Variants in CNNM2 observed in about 807,000 individuals in gnomAD.
CNNM2 encodes the protein cyclin and CBS domain divalent metal cation transport mediator 2.
CNNM2 carries 12 observed loss-of-function variants against 66.9 expected under a neutral mutation model. The ratio of observed to expected loss-of-function variants is 0.18; its 90% confidence interval spans 0.11 to 0.29. The LOEUF is 0.29. Among genes scored for constraint, CNNM2 ranks in the 10% least tolerant of loss-of-function variants. The pLI is 1.00. For synonymous variants in CNNM2, 557 were observed against 501.8 expected (o/e 1.11, Z -1.47); for missense variants, 705 against 1,167.7 (o/e 0.60, Z 5.77).
chr10:102,950,981 C>CTTTTTTTTTT (rs34870588), intron 1 of CNNM2, among the ~76,000 whole-genome samples: 94 of 80,456 alleles, frequency 1.2e-3, no homozygotes, highest in Non-Finnish European at 1.3e-3. Flanking sequence ...CTTTCTTTCT[C>CTTTTTTTTTT]TTTTTTTTTT....
At chr10:102,956,063 G>A (rs1347807227) in intron 1 of CNNM2, among the ~76,000 whole-genome samples, 5 of 152,144 alleles carry the variant, frequency 3.3e-5, no homozygotes, top group East Asian at 1.9e-4. Flanking sequence ...TGAGGCGGGC[G>A]GATCACCAGG....
At chr10:102,949,714 T>C (rs1240121781) in intron 1 of CNNM2, among the ~76,000 whole-genome samples, 2 of 152,030 alleles carry the variant, frequency 1.3e-5, no homozygotes, top group Admixed American at 6.6e-5. Context: ...TGCTTGAATC[T>C]GGAGGGCGGA....
chr10:103,033,885 GT>G (rs909230403), intron 1 of CNNM2, among the ~76,000 whole-genome samples: 4 of 152,176 alleles, frequency 2.6e-5, no homozygotes, highest in Admixed American at 6.5e-5. Context: ...GGTTTTAAAA[GT>G]TGTTTGCATC....
chr10:102,996,878 A>G (rs2134249718), intron 1 of CNNM2, among the ~76,000 whole-genome samples: 2 of 152,102 alleles, frequency 1.3e-5, no homozygotes, highest in Admixed American at 1.3e-4. Flanking sequence ...ATTATTTTCA[A>G]GCTCTCCATT....
chr10:103,052,297 A>C (rs1348126238), intron 2 of CNNM2, among the ~76,000 whole-genome samples: 1 of 151,608 alleles, frequency 6.6e-6, no homozygotes, highest in Admixed American at 6.6e-5. Flanking sequence ...AAAACAAAAA[A>C]AAAAAAACCC....
At chr10:103,029,237 G>A (rs1462050662) in intron 1 of CNNM2, among the ~76,000 whole-genome samples, 3 of 151,466 alleles carry the variant, frequency 2.0e-5, no homozygotes, top group Middle Eastern at 3.4e-3. Context: ...GCTGAGGCAG[G>A]TGGATCACCT....
intron 1 of CNNM2, among the ~76,000 whole-genome samples, chr10:102,965,761 C>T (rs1429439154): frequency 6.6e-6 from 1 of 152,174 alleles, no homozygotes; most frequent in Non-Finnish European, 1.5e-5. Flanking sequence ...GTCCTACCAT[C>T]TCTGAAAATA....
intron 1 of CNNM2, among the ~76,000 whole-genome samples, chr10:102,937,774 G>GT (rs1331312143): frequency 6.8e-6 from 1 of 146,368 alleles, no homozygotes; most frequent in Non-Finnish European, 1.5e-5. Flanking sequence ...TTTTCTGGAT[G>GT]TATACAGAAA....
In CNNM2 at chr10:103,079,429, C is replaced by T. The variant is rs989224940; in HGVS notation, c.*2249C>T. ...GTCTGCTTCTCCACACACAGTCTCT[C>T]GGGGATGCCTTGCTACTGGGAGAGC... On this transcript the variant is annotated 3_prime_UTR_variant, in exon 8 of 8. Transcript: ENST00000369878. 3 of 152,230 alleles carry T rather than the reference C, an allele frequency of 2.0e-5. No individual in the cohort carries two copies. The highest frequency in any genetic ancestry group is 7.2e-5 in the African/African-American group (3 of 41,452). 9.4% of individuals were successfully genotyped at this position (152,230 alleles called of 1,614,324 possible). A position where few individuals can be genotyped will look rare whatever the true frequency, so the allele number is the denominator to read the frequency against.
intron 1 of CNNM2, among the ~76,000 whole-genome samples, chr10:103,036,891 G>T (rs1224912944): frequency 6.6e-6 from 1 of 152,134 alleles, no homozygotes; most frequent in African/African-American, 2.4e-5. Flanking sequence ...TGTGGGTATG[G>T]CTATAAAAGG....
At chr10:103,042,573 G>GT (rs1278702898) in intron 1 of CNNM2, among the ~76,000 whole-genome samples, 1 of 152,180 alleles carries the variant, frequency 6.6e-6, no homozygotes, top group African/African-American at 2.4e-5. Context: ...GGTCCTTGTG[G>GT]TATGGGCCTG....
chr10:102,978,590 T>A (rs1035380506), intron 1 of CNNM2, among the ~76,000 whole-genome samples: 2 of 152,200 alleles, frequency 1.3e-5, no homozygotes, highest in African/African-American at 4.8e-5. Flanking sequence ...CTTTGCCTCC[T>A]TATAATTATT....
chr10:102,931,139 A>G (rs1458854170), intron 1 of CNNM2, among the ~76,000 whole-genome samples: 1 of 152,046 alleles, frequency 6.6e-6, no homozygotes, highest in East Asian at 1.9e-4. Context: ...AGTCACAACT[A>G]CCTTCCTTCC....
At chr10:103,060,017 A>G (rs921495378) in intron 4 of CNNM2, among the ~76,000 whole-genome samples, 1 of 152,124 alleles carries the variant, frequency 6.6e-6, no homozygotes, top group African/African-American at 2.4e-5. Flanking sequence ...ACAGGTACCT[A>G]CAGTCCCAGC....
At chr10:103,022,619 C>T (rs566369221) in intron 1 of CNNM2, among the ~76,000 whole-genome samples, 11 of 152,320 alleles carry the variant, frequency 7.2e-5, no homozygotes, top group Admixed American at 6.5e-4. Flanking sequence ...GGCTGTTAAA[C>T]TTTTATCATC....
intron 1 of CNNM2, among the ~76,000 whole-genome samples, chr10:103,029,651 C>T (rs984117129): frequency 1.1e-4 from 16 of 151,840 alleles, no homozygotes; most frequent in Non-Finnish European, 1.5e-5. Flanking sequence ...TCACGAGGTT[C>T]AGGAGATAGA....
intron 1 of CNNM2, among the ~76,000 whole-genome samples, chr10:103,006,333 A>C (rs1047486714): frequency 6.6e-6 from 1 of 151,786 alleles, no homozygotes; most frequent in African/African-American, 2.4e-5. Flanking sequence ...CAGCCTCCCA[A>C]GTAGCTGGGA....
In CNNM2 at chr10:103,089,534, A is replaced by G; in HGVS notation, c.*12354A>G. 7.1e-7 allele frequency: 1 copy of G among 1,400,792 alleles called. No homozygotes were observed. Among genetic ancestry groups the G allele is most frequent in the Non-Finnish European group, 9.4e-7 (1 of 1,067,746 alleles). The allele number at this position is 1,400,792 out of a possible 1,614,324, so 86.8% of individuals were successfully genotyped here. ...CAAAACAAGTATCTATGATAATAAAATCTTCAGAAACTTTTCAGACGTACC... is the reference window on the plus strand; with the variant it reads ...CAAAACAAGTATCTATGATAATAAAGTCTTCAGAAACTTTTCAGACGTACC... On this transcript the variant is annotated 3_prime_UTR_variant, in exon 8 of 8. Transcript: ENST00000369878.
intron 1 of CNNM2, among the ~76,000 whole-genome samples, chr10:102,994,783 A>G (rs568781496): frequency 1.1e-4 from 16 of 152,268 alleles, no homozygotes; most frequent in Non-Finnish European, 2.2e-4. Flanking sequence ...CTGCAGAACA[A>G]TCAAATGCCT....
Sources: gnomAD v4.1 joint callset for allele counts (sites outside exome capture counted in the v4.1 genomes callset) on GRCh38, gnomAD v4.1.1 for gene constraint, MANE v1.5 for transcripts, NCBI Gene and HGNC (gene_info 2026-07-23, HGNC 2026-07-21) for gene names.